Variants in USP54 observed in about 807,000 individuals in gnomAD.
USP54 encodes ubiquitin carboxyl-terminal hydrolase 54.
Under a neutral mutation model 170.5 loss-of-function variants are expected in USP54, and 87 were observed. That is an observed-to-expected ratio of 0.51 (90% CI 0.43 to 0.61). USP54 has a LOEUF of 0.61. Ranked by LOEUF, USP54 falls within the 20% of genes least tolerant of loss-of-function variation. The pLI is 0.00. For synonymous variants in USP54, 655 were observed against 742.8 expected (o/e 0.88, Z 1.92); for missense variants, 1,786 against 2,047.8 (o/e 0.87, Z 2.47).
intron 4 of USP54, among the ~76,000 whole-genome samples, chr10:73,547,267 T>G (rs1480556460): frequency 6.6e-6 from 1 of 152,068 alleles, no homozygotes; most frequent in Non-Finnish European, 1.5e-5. Context: ...CCCAGCATGG[T>G]GGTGCATGCC....
At chr10:73,610,391 G>A (rs2080044262) in intron 1 of USP54, among the ~76,000 whole-genome samples, 1 of 152,126 alleles carries the variant, frequency 6.6e-6, no homozygotes, top group Non-Finnish European at 1.5e-5. Context: ...GGAGGCCAAG[G>A]TGGGCGGATC....
At chr10:73,551,561 A>G (rs1323941732) in intron 4 of USP54, among the ~76,000 whole-genome samples, 1 of 152,218 alleles carries the variant, frequency 6.6e-6, no homozygotes, top group South Asian at 2.1e-4. Flanking sequence ...GAAGGGGGAA[A>G]AAGCAGTGAC....
Position 73,505,427 on chromosome 10 carries a change from C to T in USP54, c.4052-1G>A. 1 of 1,613,512 alleles carries T rather than the reference C, an allele frequency of 6.2e-7. No individual in the cohort carries two copies. The highest frequency in any genetic ancestry group is 8.5e-7 in the Non-Finnish European group (1 of 1,179,692). On this transcript the variant is annotated splice_acceptor_variant, in intron 20 of 23. Transcript: ENST00000687698. LOFTEE classifies it high-confidence loss of function. ...CTCCTCCCCATGCCATCTGCAGAGC[C>T]TGAAGAGGAAAACACAAATACAAGT...
intron 17 of USP54, among the ~76,000 whole-genome samples, chr10:73,521,339 C>G (rs2061860909): frequency 6.6e-6 from 1 of 152,124 alleles, no homozygotes; most frequent in Non-Finnish European, 1.5e-5. Flanking sequence ...ACTTATATGA[C>G]AGTGCGAGCG....
intron 1 of USP54, among the ~76,000 whole-genome samples, chr10:73,600,862 C>T (rs777702990): frequency 6.6e-6 from 1 of 152,002 alleles, no homozygotes; most frequent in African/African-American, 2.4e-5. Context: ...TGCAGTGAGC[C>T]GGGATCGCGC....
At chr10:73,590,774 G>A (rs1031271927) in intron 1 of USP54, among the ~76,000 whole-genome samples, 1 of 152,064 alleles carries the variant, frequency 6.6e-6, no homozygotes, top group Admixed American at 6.6e-5. Flanking sequence ...AATCTTAGTG[G>A]ATTTTGCCAA....
chr10:73,516,377 G>T lies in USP54; in HGVS notation c.4049C>A (p.Thr1350Lys). 27 of 1,592,900 alleles carry T rather than the reference G, an allele frequency of 1.7e-5. No homozygotes were observed. The highest frequency in any genetic ancestry group is 4.5e-5 in the South Asian group (4 of 88,478). ...CCAACCCCTGGTTGCATTCTTACCTGTTTGGCTAAGTGGGTGCCAGGCGGT... is the reference window on the plus strand; with the variant it reads ...CCAACCCCTGGTTGCATTCTTACCTTTTTGGCTAAGTGGGTGCCAGGCGGT... The part of the protein sequence containing the change: ...QDTAWHPLSQ[T>K]GSADGMGRRL... The change falls in exon 20 of 24, where the codon ACA becomes AAA. Residue 1350 changes from threonine (T) to lysine (K), a missense_variant and splice_region_variant. By Grantham distance (78) the Thr-to-Lys change is moderately conservative (BLOSUM62 -1). Coordinates refer to ENST00000687698, the MANE Select transcript of USP54 (RefSeq NM_001391956.1).
intron 1 of USP54, among the ~76,000 whole-genome samples, chr10:73,584,244 C>T (rs923610693): frequency 1.3e-5 from 2 of 152,100 alleles, no homozygotes; most frequent in East Asian, 3.9e-4. Flanking sequence ...AAAAATTAGC[C>T]GGGCGTGGTG....
chr10:73,610,189 A>T (rs1234950370), intron 1 of USP54, among the ~76,000 whole-genome samples: 4 of 152,090 alleles, frequency 2.6e-5, no homozygotes, highest in African/African-American at 7.2e-5. Context: ...AATTAAAAAA[A>T]TAAAAATAAA....
chr10:73,609,659 C>T (rs1048189265), intron 1 of USP54, among the ~76,000 whole-genome samples: 1 of 152,052 alleles, frequency 6.6e-6, no homozygotes, highest in African/African-American at 2.4e-5. Context: ...TGCTGGCCAA[C>T]ATGGTGAAAC....
chr10:73,570,675 G>A (rs113762532), intron 4 of USP54, among the ~76,000 whole-genome samples: 1 of 151,196 alleles, frequency 6.6e-6, no homozygotes, highest in African/African-American at 2.4e-5. Context: ...ACCTCCCAAA[G>A]GCTGGGATTA....
chr10:73,539,457 G>A lies in USP54; in HGVS notation c.962C>T (p.Ala321Val). Residue 321 changes from alanine to valine, a missense_variant, in exon 10 of 24, where the codon GCT (alanine) becomes GTT (valine). Coordinates refer to ENST00000687698, the MANE Select transcript of USP54 (RefSeq NM_001391956.1). The part of the protein sequence containing the change: ...KIRKWMYFDD[A>V]HVKEIGPKWK... ...GACTACTCCTACCTCCTTGACATGA[G>A]CATCATCAAAATACATCCATTTGCG... is the stretch of plus-strand genomic sequence containing the variant. 6.2e-7 allele frequency: 1 copy of A among 1,609,938 alleles called. No homozygotes were observed. Among genetic ancestry groups the A allele is most frequent in the Admixed American group, 1.7e-5 (1 of 59,902 alleles).
At chr10:73,528,645 T>C (rs1317087829) in intron 15 of USP54, among the ~76,000 whole-genome samples, 2 of 148,730 alleles carry the variant, frequency 1.3e-5, no homozygotes, top group Non-Finnish European at 3.0e-5. Flanking sequence ...GCTCGGCTCA[T>C]TACCACCTCC....
chr10:73,575,466 G>A (rs1299106167), intron 3 of USP54, 46 bp downstream of exon 3: 2 of 1,542,264 alleles, frequency 1.3e-6, no homozygotes, highest in South Asian at 1.3e-5. Context: ...TACAGCATCA[G>A]CAATTAAAAG....
intron 3 of USP54, 39 bp downstream of exon 3, chr10:73,575,473 A>C: frequency 6.4e-7 from 1 of 1,557,080 alleles, no homozygotes; most frequent in Non-Finnish European, 8.7e-7. Flanking sequence ...TCAGCAATTA[A>C]AAGTCAAAGT....
chr10:73,523,619 T>C lies in USP54; in HGVS notation c.2326A>G (p.Ser776Gly). Residue 776 changes from serine to glycine, a missense_variant, in exon 17 of 24, where the codon AGC becomes GGC. Ser to Gly is a moderately conservative substitution (Grantham distance 56). Transcript: ENST00000687698. ...EAAKGFNPHPSRFMDLDELQN... is the reference protein window; with the variant it reads ...EAAKGFNPHPGRFMDLDELQN... Reference sequence around the variant, plus strand: ...AGTTCATCCAAGTCCATGAAGCGGCTAGGATGAGGGTTAAACCCTTTCGCT... The same window carrying C: ...AGTTCATCCAAGTCCATGAAGCGGCCAGGATGAGGGTTAAACCCTTTCGCT... 6.2e-7 allele frequency: 1 copy of C among 1,611,598 alleles called. No homozygotes were observed. Among genetic ancestry groups the C allele is most frequent in the Non-Finnish European group, 8.5e-7 (1 of 1,178,138 alleles).
At chr10:73,505,583 AAG>A in intron 20 of USP54, 157 bp from the exon 21 acceptor site, 1 of 629,814 alleles carries the variant, frequency 1.6e-6, no homozygotes, top group Non-Finnish European at 2.7e-6. Context: ...ATTTAGAAGC[AAG>A]AGGGGCTGGG....
At chr10:73,504,587 C>T in intron 22 of USP54, 2 of 495,402 alleles carry the variant, frequency 4.0e-6, no homozygotes, top group South Asian at 4.8e-5. Flanking sequence ...AGATTCCTCT[C>T]AAGGCTTTAT....
At chr10:73,551,141 C>T (rs959855118) in intron 4 of USP54, among the ~76,000 whole-genome samples, 9 of 152,136 alleles carry the variant, frequency 5.9e-5, no homozygotes, top group Non-Finnish European at 1.3e-4. Context: ...TGCCCTCTCA[C>T]TAGCACCTTT....
Sources: gnomAD v4.1 joint callset for allele counts (sites outside exome capture counted in the v4.1 genomes callset) on GRCh38, gnomAD v4.1.1 for gene constraint, MANE v1.5 for transcripts, NCBI Gene and HGNC (gene_info 2026-07-23, HGNC 2026-07-21) for gene names.